Variants in NRXN3 observed in about 807,000 individuals in gnomAD.
NRXN3 encodes neurexin III.
In NRXN3, 32 loss-of-function variants were observed where a neutral mutation model predicts 137.6. The ratio of observed to expected loss-of-function variants is 0.23; its 90% CI spans 0.18 to 0.31. The LOEUF is 0.31. Ranked by LOEUF, NRXN3 falls within the 10% of genes least tolerant of loss-of-function variation. NRXN3 has a pLI of 1.00. For missense variants in NRXN3, 1,574 were observed against 2,062.5 expected (o/e 0.76, Z 4.59); for synonymous variants, 798 against 784.5 (o/e 1.02, Z -0.29).
intron 16 of NRXN3, among the ~76,000 whole-genome samples, chr14:79,626,734 G>A (rs1423566819): frequency 6.6e-6 from 1 of 152,058 alleles, no homozygotes; most frequent in Admixed American, 6.6e-5. Flanking sequence ...TTGCCTTGAG[G>A]GTTTACAAAT....
At chr14:78,623,477 A>G (rs1229233873) in intron 4 of NRXN3, among the ~76,000 whole-genome samples, 1 of 152,264 alleles carries the variant, frequency 6.6e-6, no homozygotes, top group East Asian at 1.9e-4. Context: ...TGGCCATAGT[A>G]GATAACCATG....
intron 4 of NRXN3, among the ~76,000 whole-genome samples, chr14:78,459,851 T>C (rs2094869284): frequency 6.6e-6 from 1 of 152,198 alleles, no homozygotes; most frequent in Admixed American, 6.5e-5. Flanking sequence ...TGGCCTCTAA[T>C]TAAATCAGAT....
chr14:79,499,056 C>T (rs952638927), intron 16 of NRXN3, among the ~76,000 whole-genome samples: 8 of 152,190 alleles, frequency 5.3e-5, no homozygotes, highest in Non-Finnish European at 8.8e-5. Flanking sequence ...CCAATCTTTT[C>T]TCCTCAAAGA....
intron 4 of NRXN3, among the ~76,000 whole-genome samples, chr14:78,478,479 G>A (rs2095417302): frequency 6.6e-6 from 1 of 152,034 alleles, no homozygotes; most frequent in African/African-American, 2.4e-5. Flanking sequence ...TTGACTCACA[G>A]ATTAGAGGAT....
intron 1 of NRXN3, among the ~76,000 whole-genome samples, chr14:78,188,146 G>C (rs1458693124): frequency 6.6e-6 from 1 of 152,066 alleles, no homozygotes; most frequent in Admixed American, 6.6e-5. Flanking sequence ...GTTACATCCG[G>C]GACCAAAAAC....
At position 79,868,121 on chromosome 14, in the gene NRXN3, T is replaced by C. The variant is rs2099418762; in HGVS notation, c.*6157T>C. On this transcript the variant is annotated 3_prime_UTR_variant, in exon 21 of 21. Transcript: ENST00000335750. ...TCTTGAGAAATATTGGATGAAATAA[T>C]TCATGTGAAATGCTTAACATATGTG... 1.3e-5 allele frequency: 2 copies of C among 152,206 alleles called. No individual in the cohort carries two copies. The highest frequency in any genetic ancestry group is 1.3e-4 in the Admixed American group (2 of 15,284). 9.4% of individuals were successfully genotyped at this position (152,206 alleles called of 1,614,324 possible).
intron 14 of NRXN3, among the ~76,000 whole-genome samples, chr14:78,969,814 AGT>A (rs376306137): frequency 0.18 from 25,334 of 141,078 alleles, 2,352 homozygotes; most frequent in Middle Eastern, 0.26. Flanking sequence ...TGTACTATGT[AGT>A]GTGTGTGTGT....
chr14:79,448,181 T>A (rs2096097281), intron 15 of NRXN3, among the ~76,000 whole-genome samples: 2 of 152,188 alleles, frequency 1.3e-5, no homozygotes, highest in Admixed American at 1.3e-4. Context: ...TTTAACTTCC[T>A]TTTAAAGCCC....
intron 16 of NRXN3, among the ~76,000 whole-genome samples, chr14:79,660,500 A>C (rs940420636): frequency 3.3e-5 from 5 of 152,170 alleles, no homozygotes; most frequent in African/African-American, 1.2e-4. Flanking sequence ...AATGTGTGGC[A>C]CCTAAGATAA....
At chr14:78,591,433 G>C (rs1427267335) in intron 4 of NRXN3, among the ~76,000 whole-genome samples, 1 of 152,162 alleles carries the variant, frequency 6.6e-6, no homozygotes, top group African/African-American at 2.4e-5. Flanking sequence ...TGGTGTAGTG[G>C]ACACTGGAGG....
At chr14:79,807,032 C>T (rs2099210624) in intron 20 of NRXN3, among the ~76,000 whole-genome samples, 1 of 116,268 alleles carries the variant, frequency 8.6e-6, no homozygotes, top group East Asian at 2.9e-4. Flanking sequence ...GGCTGGAGTG[C>T]AGTGGCGTGT....
chr14:79,276,135 A>C (rs2080246240), intron 15 of NRXN3, among the ~76,000 whole-genome samples: 1 of 152,172 alleles, frequency 6.6e-6, no homozygotes, highest in Admixed American at 6.6e-5. Context: ...CTGGAACTCT[A>C]GCTACAGGCA....
At chr14:78,300,232 A>G (rs1340039499) in intron 4 of NRXN3, among the ~76,000 whole-genome samples, 1 of 152,222 alleles carries the variant, frequency 6.6e-6, no homozygotes, top group Non-Finnish European at 1.5e-5. Flanking sequence ...GGTCCTCATA[A>G]CTCATATTAA....
At chr14:79,324,198 C>G (rs1306167123) in intron 15 of NRXN3, among the ~76,000 whole-genome samples, 4 of 152,106 alleles carry the variant, frequency 2.6e-5, no homozygotes, top group Admixed American at 2.6e-4. Context: ...AGAATCAGGC[C>G]TATAAGAAGA....
At chr14:78,537,409 CT>C (rs1397748582) in intron 4 of NRXN3, among the ~76,000 whole-genome samples, 1 of 152,184 alleles carries the variant, frequency 6.6e-6, no homozygotes, top group Admixed American at 6.5e-5. Flanking sequence ...TAGATGTCTT[CT>C]TTTGAGAAGT....
At chr14:78,738,795 A>G (rs373984821) in intron 8 of NRXN3, among the ~76,000 whole-genome samples, 59 of 152,336 alleles carry the variant, frequency 3.9e-4, no homozygotes, top group African/African-American at 1.4e-3. Flanking sequence ...CTTTAAAACC[A>G]GAGCCACAAG....
intron 19 of NRXN3, among the ~76,000 whole-genome samples, chr14:79,726,198 T>C (rs567017882): frequency 2.0e-5 from 3 of 152,184 alleles, no homozygotes; most frequent in Non-Finnish European, 4.4e-5. Flanking sequence ...TAATGAAAAG[T>C]CAGTCATGTG....
chr14:78,745,532 G>A (rs1019125135), intron 8 of NRXN3, among the ~76,000 whole-genome samples: 19 of 152,134 alleles, frequency 1.2e-4, no homozygotes, highest in Middle Eastern at 3.4e-3. Context: ...GAGCCTTTGC[G>A]TACTAATTTA....
intron 4 of NRXN3, among the ~76,000 whole-genome samples, chr14:78,300,205 A>G (rs368176498): frequency 2.0e-5 from 3 of 152,252 alleles, no homozygotes; most frequent in Non-Finnish European, 2.9e-5. Context: ...ACACCTATAC[A>G]TGTGTGTTAT....
Sources: allele counts gnomAD v4.1 joint callset (sites outside exome capture counted in the v4.1 genomes callset), GRCh38; gene constraint gnomAD v4.1.1; transcripts MANE v1.5; gene names NCBI Gene and HGNC (gene_info 2026-07-23, HGNC 2026-07-21).